The following VPS35 variants were observed in gnomAD, a reference collection of about 807,000 sequenced individuals.
VPS35 encodes the protein VPS35 retromer complex component, also known as vacuolar protein sorting-associated protein 35.
In VPS35, 21 loss-of-function variants were observed where a neutral mutation model predicts 98.1. The ratio of observed to expected loss-of-function variants is 0.21; its 90% CI spans 0.15 to 0.31. The LOEUF (loss-of-function observed/expected upper bound fraction) is 0.31. VPS35 is among the 10% of genes least tolerant of loss of function. VPS35 has a pLI of 1.00. For synonymous variants in VPS35, 268 were observed against 318.2 expected (o/e 0.84, Z 1.68); for missense variants, 554 against 950.8 (o/e 0.58, Z 5.49).
At chr16:46,688,357 C>A in intron 1 of VPS35, 1 of 987,056 alleles carries the variant, frequency 1.0e-6, no homozygotes, top group Non-Finnish European at 1.2e-6. Context: ...TGAGGAAGTT[C>A]AAGTTTACCG....
At chr16:46,677,103 C>T (rs1350411748) in intron 7 of VPS35, among the ~76,000 whole-genome samples, 1 of 151,850 alleles carries the variant, frequency 6.6e-6, no homozygotes, top group African/African-American at 2.4e-5. Context: ...GCTATGTTGC[C>T]CAGGCTGGTT....
At chr16:46,688,483 C>T in intron 1 of VPS35, 1 of 987,260 alleles carries the variant, frequency 1.0e-6, no homozygotes, top group Non-Finnish European at 1.2e-6. Flanking sequence ...AGGCAAGGTG[C>T]GCCCAATGCA....
rs760980267 is a variant in VPS35 at position 46,669,145 on chromosome 16, T to C, written c.1525-93A>G. The C allele has an allele frequency of 1.1e-5, 16 of 1,499,936 alleles. 1 individual carries two copies. The South Asian group carries it at 1.5e-4, about 14-fold the overall frequency. 92.9% of individuals were successfully genotyped at this position (1,499,936 alleles called of 1,614,324 possible). On this transcript the variant is annotated intron_variant, in intron 12 of 16. Transcript: ENST00000299138. ...GGCTCTAATCATCATTGCTAACATTTTGTGAATATATACAATGTACCATAC... is the reference window on the plus strand; with the variant it reads ...GGCTCTAATCATCATTGCTAACATTCTGTGAATATATACAATGTACCATAC...
chr16:46,663,244 A>T (rs1340479678), intron 13 of VPS35, 82 bp from the exon 14 acceptor site: 1 of 1,300,860 alleles, frequency 7.7e-7, no homozygotes, highest in East Asian at 2.5e-5. Flanking sequence ...AGAACAAAAT[A>T]CTGTAAGTTG....
At chr16:46,674,182 G>T in intron 10 of VPS35, 132 bp downstream of exon 10, 1 of 1,028,750 alleles carries the variant, frequency 9.7e-7, no homozygotes. Context: ...CCCTAGTAGT[G>T]CTAAGCATGA....
At chr16:46,687,685 C>A (rs1966339963) in intron 1 of VPS35, among the ~76,000 whole-genome samples, 1 of 152,170 alleles carries the variant, frequency 6.6e-6, no homozygotes, top group Non-Finnish European at 1.5e-5. Context: ...ACACTGAAGG[C>A]ACACAAGATG....
At chr16:46,671,929 T>A in intron 11 of VPS35, 69 bp from the exon 12 acceptor site, 2 of 1,591,224 alleles carry the variant, frequency 1.3e-6, no homozygotes, top group Non-Finnish European at 1.7e-6. Flanking sequence ...TTATCAAAAG[T>A]GTTTCCAGTT....
rs576101446 is a variant in VPS35, at chr16:46,661,016, G to A, written c.2212-365C>T. ...ACAAAAATTAGCTGGGCGTGGTGCC[G>A]GGCGCCTATAATACCAGCTATTCAG... On this transcript the variant is annotated intron_variant, in intron 16 of 16. Coordinates refer to ENST00000299138, the MANE Select transcript of VPS35 (RefSeq NM_018206.6). This position sits in a 1 kb window ranked among gnomAD's most constrained non-coding sequence, Gnocchi z 4.3. The A allele has an allele frequency of 3.7e-4, 132 of 354,008 alleles. No homozygotes were observed. Among genetic ancestry groups the A allele is most frequent in the Admixed American group, 6.2e-4 (16 of 25,974 alleles). The allele number at this position is 354,008 out of a possible 1,614,324, so 21.9% of individuals were successfully genotyped here. A position where few individuals can be genotyped will look rare whatever the true frequency, so the allele number is the denominator to read the frequency against.
At chr16:46,682,271 G>C in intron 2 of VPS35, 96 bp from the exon 3 acceptor site, 1 of 960,250 alleles carries the variant, frequency 1.0e-6, no homozygotes, top group South Asian at 1.4e-5. Flanking sequence ...TTGTTACATA[G>C]TTTTAAAAGA....
chr16:46,688,338 T>G (rs1373298086), intron 1 of VPS35: 1 of 986,876 alleles, frequency 1.0e-6, no homozygotes, highest in Non-Finnish European at 1.2e-6. Context: ...GACACAAAGA[T>G]TCACATTTTG....
chr16:46,660,393 A>T lies in VPS35; in HGVS notation c.*79T>A. On this transcript the variant is annotated 3_prime_UTR_variant, in exon 17 of 17. Transcript: ENST00000299138. ...CTACCTCAGCATTTCTGAAAGGCACAATCTATGGAAGGGAAACCTAGCGTA... is the reference window on the plus strand; with the variant it reads ...CTACCTCAGCATTTCTGAAAGGCACTATCTATGGAAGGGAAACCTAGCGTA... 1.9e-6 allele frequency: 3 copies of T among 1,576,756 alleles called. No homozygotes were observed. The highest frequency in any genetic ancestry group is 1.3e-5 in the African/African-American group (1 of 74,464).
At chr16:46,660,839 A>AAC (rs1555522911) in intron 16 of VPS35, 188 bp from the exon 17 acceptor site, 7 of 673,866 alleles carry the variant, frequency 1.0e-5, no homozygotes, top group East Asian at 3.0e-5. Flanking sequence ...AAAAAAAAAA[A>AAC]CAACCCTTTA....
At chr16:46,682,056 A>G in intron 3 of VPS35, 23 bp downstream of exon 3, 1 of 1,569,092 alleles carries the variant, frequency 6.4e-7, no homozygotes, top group East Asian at 2.2e-5. Flanking sequence ...CCAAATGTTT[A>G]GTCTTCAACA....
chr16:46,686,056 C>T (rs905231018), intron 1 of VPS35, among the ~76,000 whole-genome samples: 1 of 152,104 alleles, frequency 6.6e-6, no homozygotes, highest in Non-Finnish European at 1.5e-5. Context: ...AACTCCCATT[C>T]CGAACCCCCA....
chr16:46,685,661 C>T (rs1414258761), intron 1 of VPS35, among the ~76,000 whole-genome samples: 2 of 152,144 alleles, frequency 1.3e-5, no homozygotes, highest in Non-Finnish European at 2.9e-5. Flanking sequence ...AAGACTCTGA[C>T]TTAATGAAAT....
chr16:46,662,790 T>A (rs553822102), intron 14 of VPS35, among the ~76,000 whole-genome samples, 193 bp downstream of exon 14: 29 of 152,370 alleles, frequency 1.9e-4, no homozygotes, highest in Non-Finnish European at 7.3e-5. Flanking sequence ...TTGGAAATCT[T>A]AGATTTCATC....
At position 46,661,929 on chromosome 16, in the gene VPS35, C is replaced by A; in HGVS notation, c.2068-68G>T. 1 of 1,600,408 alleles carries A rather than the reference C, an allele frequency of 6.2e-7. No homozygotes were observed. The highest frequency in any genetic ancestry group is 8.6e-7 in the Non-Finnish European group (1 of 1,169,010). On this transcript the variant is annotated intron_variant, in intron 15 of 16. Transcript: ENST00000299138. This position sits in a 1 kb window ranked among gnomAD's most constrained non-coding sequence, Gnocchi z 4.3. ...CATCTCGTTTTCATACAAAGAAACA[C>A]AACACTACCGTGGCTCTTTCGTGTT...
intron 1 of VPS35, among the ~76,000 whole-genome samples, chr16:46,685,446 A>C (rs1293236397): frequency 2.0e-5 from 3 of 152,228 alleles, no homozygotes; most frequent in East Asian, 1.9e-4. Context: ...ATAATGAACA[A>C]CACCATGCAT....
chr16:46,670,031 C>T (rs1029383142), intron 12 of VPS35, among the ~76,000 whole-genome samples: 9 of 152,122 alleles, frequency 5.9e-5, no homozygotes, highest in Admixed American at 2.0e-4. Flanking sequence ...TGAAATATTC[C>T]ATGAATTCTG....
Sources: gnomAD v4.1 joint callset for allele counts (sites outside exome capture counted in the v4.1 genomes callset) on GRCh38, gnomAD v4.1.1 for gene constraint, Gnocchi (gnomAD v3.1) non-coding constraint, MANE v1.5 for transcripts, NCBI Gene and HGNC (gene_info 2026-07-23, HGNC 2026-07-21) for gene names.